The following KAT6B variants were observed in gnomAD, a reference collection of about 807,000 sequenced individuals.
The protein encoded by KAT6B is histone acetyltransferase KAT6B.
A neutral mutation model predicts 187.5 loss-of-function variants in KAT6B; 10 were observed. The ratio of observed to expected loss-of-function variants is 0.05; its 90% confidence interval spans 0.03 to 0.09. KAT6B has a LOEUF of 0.09. KAT6B is among the 10% of genes least tolerant of loss of function. The pLI is 1.00. For synonymous variants in KAT6B, 861 were observed against 926.8 expected, an observed-to-expected ratio of 0.93 and a Z score of 1.29; for missense variants, 1,952 against 2,558.9, an observed-to-expected ratio of 0.76 and a Z score of 5.12.
chr10:74,880,930 C>CTCTTTTTTT (rs1554821418), intron 3 of KAT6B, among the ~76,000 whole-genome samples: 8 of 144,558 alleles, frequency 5.5e-5, no homozygotes, highest in African/African-American at 2.0e-4. Context: ...CTTACTCTCT[C>CTCTTTTTTT]TTTTTTTTTT....
At chr10:74,915,819 C>T (rs1444613472) in intron 3 of KAT6B, among the ~76,000 whole-genome samples, 1 of 152,152 alleles carries the variant, frequency 6.6e-6, no homozygotes, top group East Asian at 1.9e-4. Context: ...GTTATTGATG[C>T]CCTGGAGATG....
chr10:75,024,914 A>G, intron 16 of KAT6B, 44 bp from the exon 17 acceptor site: 2 of 1,586,056 alleles, frequency 1.3e-6, no homozygotes, highest in South Asian at 1.1e-5. Flanking sequence ...CAACCATTTA[A>G]TTTCTCATGA....
At chr10:74,855,805 C>T (rs1379985044) in intron 3 of KAT6B, among the ~76,000 whole-genome samples, 1 of 152,102 alleles carries the variant, frequency 6.6e-6, no homozygotes, top group East Asian at 1.9e-4. Flanking sequence ...CATAGATTCA[C>T]CAATTTTAAC....
intron 4 of KAT6B, among the ~76,000 whole-genome samples, chr10:74,963,005 TC>T (rs899927081): frequency 6.6e-6 from 1 of 152,178 alleles, no homozygotes; most frequent in African/African-American, 2.4e-5. Context: ...TTGGTTTTCC[TC>T]ATCTGTGGGG....
chr10:74,977,020 A>ACTT (rs961128995), intron 8 of KAT6B: 82 of 332,382 alleles, frequency 2.5e-4, no homozygotes, highest in African/African-American at 1.7e-3. Context: ...CATCGATAAA[A>ACTT]CTTCTAATCT....
chr10:75,024,230 C>G (rs1404026139), intron 16 of KAT6B: 2 of 152,062 alleles, frequency 1.3e-5, no homozygotes, highest in African/African-American at 2.4e-5. Context: ...TGGCAAAGCC[C>G]TGTCTCTACA....
chr10:74,917,696 C>T (rs895760441), intron 3 of KAT6B, among the ~76,000 whole-genome samples: 3 of 152,188 alleles, frequency 2.0e-5, no homozygotes, highest in Non-Finnish European at 4.4e-5. Context: ...GTTGCTGACT[C>T]ACTGAATAAC....
At chr10:74,953,989 A>C (rs1390403480) in intron 3 of KAT6B, among the ~76,000 whole-genome samples, 1 of 152,228 alleles carries the variant, frequency 6.6e-6, no homozygotes, top group Non-Finnish European at 1.5e-5. Context: ...AGACTCTTAA[A>C]ATTTCTAAAG....
intron 1 of KAT6B, chr10:74,827,299 G>C (rs1024704670): frequency 1.3e-5 from 2 of 153,342 alleles, no homozygotes; most frequent in African/African-American, 4.8e-5. Flanking sequence ...CGAGATTGCA[G>C]TTGTCTGGGC....
intron 3 of KAT6B, among the ~76,000 whole-genome samples, chr10:74,850,398 T>G (rs1307068321): frequency 6.6e-6 from 1 of 152,216 alleles, no homozygotes; most frequent in Non-Finnish European, 1.5e-5. Flanking sequence ...TCTAATTAGA[T>G]TGAACATCAT....
intron 3 of KAT6B, among the ~76,000 whole-genome samples, chr10:74,958,842 A>G (rs1294652278): frequency 1.3e-5 from 2 of 151,950 alleles, no homozygotes; most frequent in African/African-American, 2.4e-5. Context: ...GATCGAGACC[A>G]TCCTGACCAA....
intron 13 of KAT6B, among the ~76,000 whole-genome samples, chr10:74,991,907 TA>T (rs1335967757): frequency 5.3e-5 from 8 of 151,876 alleles, no homozygotes; most frequent in Non-Finnish European, 1.5e-5. Flanking sequence ...GGAAGTTACT[TA>T]AAGTAATAGT....
intron 1 of KAT6B, among the ~76,000 whole-genome samples, chr10:74,830,054 T>G (rs1290248113): frequency 2.0e-5 from 3 of 151,222 alleles, no homozygotes; most frequent in African/African-American, 7.3e-5. Context: ...AAATATTTTA[T>G]GTAAGTAGGG....
intron 3 of KAT6B, among the ~76,000 whole-genome samples, chr10:74,915,232 G>C (rs918392386): frequency 2.0e-5 from 3 of 152,158 alleles, no homozygotes; most frequent in African/African-American, 7.2e-5. Flanking sequence ...ATGTATCCGT[G>C]TAAGTTTCTC....
chr10:75,017,152 C>T (rs573241756), intron 13 of KAT6B, among the ~76,000 whole-genome samples: 10 of 152,112 alleles, frequency 6.6e-5, no homozygotes, highest in Middle Eastern at 3.4e-3. Context: ...CATGAGCCAC[C>T]GCGCCCAGCC....
intron 3 of KAT6B, among the ~76,000 whole-genome samples, chr10:74,913,196 C>T (rs1244825022): frequency 6.6e-6 from 1 of 152,056 alleles, no homozygotes; most frequent in African/African-American, 2.4e-5. Context: ...TTAAGCATTC[C>T]CTTTGTAAAC....
rs191019974 is a variant in KAT6B at position 74,883,236 on chromosome 10, G to A, written c.621+39758G>A. Among the ~76,000 whole-genome samples the A allele has an allele frequency of 2.9e-3, 436 of 152,226 alleles. 2 individuals carry two copies. The highest frequency in any genetic ancestry group is 0.02 in the Middle Eastern group (6 of 294). ...AAGTCAAGGTCAGTATCAGAGCCTA[G>A]TACGGTTCTGCTTGCCGCTGTCTGA... On this transcript the variant is annotated intron_variant, in intron 3 of 17. Transcript: ENST00000287239.
At chr10:74,830,420 T>C (rs1840664721) in intron 1 of KAT6B, among the ~76,000 whole-genome samples, 1 of 152,070 alleles carries the variant, frequency 6.6e-6, no homozygotes, top group Admixed American at 6.6e-5. Flanking sequence ...ATTGCCGGTT[T>C]ATAGCTAGGG....
At chr10:74,828,261 G>A (rs1840425822) in intron 1 of KAT6B, among the ~76,000 whole-genome samples, 1 of 152,072 alleles carries the variant, frequency 6.6e-6, no homozygotes, top group Non-Finnish European at 1.5e-5. Flanking sequence ...AAGGGGTAGT[G>A]ATAAAGAATT....
Sources: gnomAD v4.1 joint callset for allele counts (sites outside exome capture counted in the v4.1 genomes callset) on GRCh38, gnomAD v4.1.1 for gene constraint, MANE v1.5 for transcripts, NCBI Gene and HGNC (gene_info 2026-07-23, HGNC 2026-07-21) for gene names.